The following RBP3 variants were observed in gnomAD, a reference collection of about 807,000 sequenced individuals.
RBP3 encodes retinol binding protein 3.
Under a neutral mutation model 64.8 loss-of-function variants are expected in RBP3, and 50 were observed. That is an observed-to-expected ratio of 0.77 (90% CI 0.61 to 0.98). RBP3 has a LOEUF of 0.98. Among genes scored for constraint, RBP3 ranks in the 50% least tolerant of loss-of-function variants. The pLI is 0.00. For missense variants in RBP3, 1,712 were observed against 1,660.5 expected (o/e 1.03, Z -0.54); for synonymous variants, 828 against 730.2 (o/e 1.13, Z -2.16).
chr10:47,356,131 T>C (rs1350769708), intron 3 of RBP3, among the ~76,000 whole-genome samples: 2 of 152,180 alleles, frequency 1.3e-5, no homozygotes, highest in African/African-American at 2.4e-5. Flanking sequence ...CTTGTGCTCC[T>C]ACCCAACAAG....
At position 47,348,542 on chromosome 10, in the gene RBP3, A is replaced by C. The variant is rs1588860764; in HGVS notation, c.58A>C (p.Thr20Pro). The change falls in exon 1 of 4, where the codon ACA becomes CCA. Residue 20 changes from threonine (T) to proline (P), a missense_variant. Coordinates refer to ENST00000584701, the MANE Select transcript of RBP3 (RefSeq NM_002900.3). ...GCTGCTCTGTGGCCTGGCTGGCCCC[A>C]CACACCTGTTCCAGCCAAGCCTGGT... ...SVLLCGLAGP[T>P]HLFQPSLVLD... 6.2e-7 allele frequency: 1 copy of C among 1,611,780 alleles called. No individual in the cohort carries two copies. Among genetic ancestry groups the C allele is most frequent in the South Asian group, 1.1e-5 (1 of 91,086 alleles).
rs1264614759 is a variant in RBP3, at chr10:47,357,201, G to A, written c.3488G>A (p.Arg1163Gln). The A allele has an allele frequency of 1.4e-5, 23 of 1,613,892 alleles. No individual in the cohort carries two copies. Among genetic ancestry groups the A allele is most frequent in the Middle Eastern group, 1.6e-4 (1 of 6,084 alleles). The change falls in exon 4 of 4, where the codon CGG becomes CAG. Residue 1163 changes from arginine to glutamine, a missense_variant. Coordinates refer to ENST00000584701, the MANE Select transcript of RBP3 (RefSeq NM_002900.3). ...EFTYIMKRLG[R>Q]ALVIGEVTSG... ...ACCTATATCATGAAGAGGCTGGGCC[G>A]GGCCCTGGTCATTGGGGAGGTGACC...
rs1588865654 is a variant in RBP3, at chr10:47,355,383, A to G, written c.3253A>G (p.Ile1085Val). 1 of 1,613,846 alleles carries G rather than the reference A, an allele frequency of 6.2e-7. No individual in the cohort carries two copies. The highest frequency in any genetic ancestry group is 1.1e-5 in the South Asian group (1 of 91,054). ...CTGCTTCCCATCCTTCAGGTTCAAC[A>G]TCGGTGGCCCCACATCCTCCATTCC... ...DAMIIDMRFNIGGPTSSIPIL... is the reference protein window; with the variant it reads ...DAMIIDMRFNVGGPTSSIPIL... Residue 1085 changes from isoleucine to valine, a missense_variant, in exon 3 of 4, where the codon ATC (isoleucine) becomes GTC (valine). Coordinates refer to ENST00000584701, the MANE Select transcript of RBP3 (RefSeq NM_002900.3).
rs782273936 is a variant in RBP3 at position 47,357,244 on chromosome 10, A to G, written c.3531A>G (p.Pro1177=). 5 of 1,614,072 alleles carry G rather than the reference A, an allele frequency of 3.1e-6. No homozygotes were observed. In the East Asian group the frequency reaches 1.1e-4, roughly 36 times the overall value. The change falls in exon 4 of 4, where the codon CCA becomes CCG. Residue 1177 remains proline (P), a synonymous_variant. Transcript: ENST00000584701. ...AGGTGACCAGTGGGGGCTGCCAGCC[A>G]CCACAGACCTACCACGTGGATGACA... The part of the protein sequence containing the change: ...IGEVTSGGCQ[P]PQTYHVDDTN...
rs782581891 is a variant in RBP3, at chr10:47,351,421, G to C, written c.2937G>C (p.Val979=). Residue 979 remains valine (V), a synonymous_variant, in exon 1 of 4, where the codon GTG becomes GTC. Transcript: ENST00000584701. The part of the protein sequence containing the change: ...QSRYSRVTSE[V]ALAEILGADL... ...GCTACTCCAGGGTGACCTCAGAAGT[G>C]GCCCTAGCCGAGATCCTGGGGGCTG... 1 of 1,613,744 alleles carries C rather than the reference G, an allele frequency of 6.2e-7. No homozygotes were observed. Among genetic ancestry groups the C allele is most frequent in the Non-Finnish European group, 8.5e-7 (1 of 1,180,046 alleles).
rs1836960031 is a variant in RBP3, at chr10:47,350,920, C to T, written c.2436C>T (p.Val812=). The T allele has an allele frequency of 6.2e-7, 1 of 1,613,070 alleles. No individual in the cohort carries two copies. Among genetic ancestry groups the T allele is most frequent in the Non-Finnish European group, 8.5e-7 (1 of 1,180,020 alleles). ...EAEPRQHLYS[V]FDRATSKVTE... The stretch of plus-strand genomic sequence containing the variant: ...AGCCCCGCCAGCACCTGTATTCTGT[C>T]TTTGACAGGGCCACCTCAAAAGTCA... The change falls in exon 1 of 4, where the codon GTC becomes GTT. Residue 812 remains valine (V), a synonymous_variant. Coordinates refer to ENST00000584701, the MANE Select transcript of RBP3 (RefSeq NM_002900.3).
chr10:47,353,158 C>T (rs1555211755), intron 1 of RBP3, among the ~76,000 whole-genome samples, 167 bp from the exon 2 acceptor site: 2 of 152,076 alleles, frequency 1.3e-5, no homozygotes, highest in East Asian at 1.9e-4. Flanking sequence ...GTCCCAGTGG[C>T]ATGTCACATC....
Position 47,349,827 on chromosome 10 carries a change from C to T in RBP3, c.1343C>T (p.Ala448Val). 6.2e-7 allele frequency: 1 copy of T among 1,613,282 alleles called. No individual in the cohort carries two copies. Among genetic ancestry groups the T allele is most frequent in the Non-Finnish European group, 8.5e-7 (1 of 1,180,034 alleles). Residue 448 changes from alanine (A) to valine (V), a missense_variant, in exon 1 of 4, where the codon GCT becomes GTT. Transcript: ENST00000584701. ...NVGYLRFDSF[A>V]DASVLGVLAP... is the part of the protein sequence containing the mutation. ...GGCTACCTGCGCTTCGATAGTTTTGCTGACGCCTCCGTCCTGGGTGTGTTG... is the reference window on the plus strand; with the variant it reads ...GGCTACCTGCGCTTCGATAGTTTTGTTGACGCCTCCGTCCTGGGTGTGTTG...
Position 47,355,533 on chromosome 10 carries a change from T to A in RBP3, c.3388+15T>A. 1 of 1,614,112 alleles carries A rather than the reference T, an allele frequency of 6.2e-7. No homozygotes were observed. The highest frequency in any genetic ancestry group is 8.5e-7 in the Non-Finnish European group (1 of 1,180,004). On this transcript the variant is annotated intron_variant, in intron 3 of 3. Transcript: ENST00000584701. ...CCAGGTTGTAGGTACGTGGAGAAGC[T>A]TTCTCCTTTCTGCTGTCATTCTAGA...
rs782273936 is a variant in RBP3, at chr10:47,357,244, A to C, written c.3531A>C (p.Pro1177=). 5 of 1,613,954 alleles carry C rather than the reference A, an allele frequency of 3.1e-6. No individual in the cohort carries two copies. Among genetic ancestry groups the C allele is most frequent in the Non-Finnish European group, 4.2e-6 (5 of 1,180,036 alleles). ...AGGTGACCAGTGGGGGCTGCCAGCC[A>C]CCACAGACCTACCACGTGGATGACA... is the stretch of plus-strand genomic sequence containing the variant. The part of the protein sequence containing the change: ...IGEVTSGGCQ[P]PQTYHVDDTN... Residue 1177 remains proline, a synonymous_variant, in exon 4 of 4, where the codon CCA becomes CCC. Coordinates refer to ENST00000584701, the MANE Select transcript of RBP3 (RefSeq NM_002900.3).
chr10:47,355,365 C>T lies in RBP3; in HGVS notation c.3246-11C>T, dbSNP rs1555211905. The T allele has an allele frequency of 1.9e-6, 3 of 1,613,524 alleles. No individual in the cohort carries two copies. The highest frequency in any genetic ancestry group is 2.2e-5 in the East Asian group (1 of 44,870). The stretch of plus-strand genomic sequence containing the variant: ...TCAGCCCCTGAACAGGCTCTGCTTC[C>T]CATCCTTCAGGTTCAACATCGGTGG... On this transcript the variant is annotated splice_polypyrimidine_tract_variant and intron_variant, in intron 2 of 3. Transcript: ENST00000584701.
Position 47,348,697 on chromosome 10 carries a change from C to A in RBP3, c.213C>A (p.Ala71=). 1 of 1,613,608 alleles carries A rather than the reference C, an allele frequency of 6.2e-7. No individual in the cohort carries two copies. The highest frequency in any genetic ancestry group is 8.5e-7 in the Non-Finnish European group (1 of 1,180,020). The part of the protein sequence containing the change: ...ILSISDPQTL[A]SVLTAGVQSS... Reference sequence around the variant, plus strand: ...GCATCTCAGACCCGCAGACGCTGGCCAGTGTGCTGACAGCCGGGGTGCAGA... The same window carrying A: ...GCATCTCAGACCCGCAGACGCTGGCAAGTGTGCTGACAGCCGGGGTGCAGA... The change falls in exon 1 of 4, where the codon GCC becomes GCA. Residue 71 remains alanine (A), a synonymous_variant. Coordinates refer to ENST00000584701, the MANE Select transcript of RBP3 (RefSeq NM_002900.3).
At position 47,349,332 on chromosome 10, in the gene RBP3, C is replaced by T; in HGVS notation, c.848C>T (p.Ser283Phe). Residue 283 changes from serine (S) to phenylalanine (F), a missense_variant, in exon 1 of 4, where the codon TCC (serine) becomes TTC (phenylalanine). Transcript: ENST00000584701. The stretch of plus-strand genomic sequence containing the variant: ...GACTTCTTCTTCACGGTGCCCGTGT[C>T]CAGGTCCCTGGGGCCCCTTGGTGGA... ...ESDFFFTVPV[S>F]RSLGPLGGGS... 1 of 1,612,638 alleles carries T rather than the reference C, an allele frequency of 6.2e-7. No individual in the cohort carries two copies. The highest frequency in any genetic ancestry group is 8.5e-7 in the Non-Finnish European group (1 of 1,179,976).
Position 47,351,549 on chromosome 10 carries a change from A to G in RBP3, c.3054+11A>G. ...ATTGTGCCCATGCAGGTGAGACCCA[A>G]GAGAGACCTGGCTGAACCCAGTCCC... On this transcript the variant is annotated intron_variant, in intron 1 of 3. Coordinates refer to ENST00000584701, the MANE Select transcript of RBP3 (RefSeq NM_002900.3). 2 of 1,613,564 alleles carry G rather than the reference A, an allele frequency of 1.2e-6. No individual in the cohort carries two copies. The highest frequency in any genetic ancestry group is 1.7e-6 in the Non-Finnish European group (2 of 1,180,048).
intron 1 of RBP3, among the ~76,000 whole-genome samples, chr10:47,352,437 G>A (rs1342564670): frequency 1.3e-5 from 2 of 152,256 alleles, no homozygotes; most frequent in Admixed American, 1.3e-4. Context: ...TGTCAGTGGG[G>A]TCGGGTGCAG....
Position 47,350,356 on chromosome 10 carries a change from C to A in RBP3, c.1872C>A (p.Asp624Glu). 1 of 1,612,384 alleles carries A rather than the reference C, an allele frequency of 6.2e-7. No homozygotes were observed. The highest frequency in any genetic ancestry group is 1.1e-5 in the South Asian group (1 of 91,090). ...DAIVLAEEALDKAQEVLEFHQ... is the reference protein window; with the variant it reads ...DAIVLAEEALEKAQEVLEFHQ... ...TCGTGCTGGCCGAGGAGGCCCTGGA[C>A]AAAGCCCAGGAAGTGCTGGAGTTCC... is the stretch of plus-strand genomic sequence containing the variant. The change falls in exon 1 of 4, where the codon GAC becomes GAA. Residue 624 changes from aspartate (D) to glutamate (E), a missense_variant. Transcript: ENST00000584701.
chr10:47,350,281 C>G lies in RBP3; in HGVS notation c.1797C>G (p.Ile599Met), dbSNP rs782706045. 6.2e-7 allele frequency: 1 copy of G among 1,608,462 alleles called. No individual in the cohort carries two copies. The highest frequency in any genetic ancestry group is 1.3e-5 in the African/African-American group (1 of 74,930). Residue 599 changes from isoleucine (I) to methionine (M), a missense_variant, in exon 1 of 4, where the codon ATC (isoleucine) becomes ATG (methionine). Physicochemically the swap from Ile to Met is conservative, Grantham distance 10. Transcript: ENST00000584701. ...LALTVPVLTF[I>M]DNHGEAWLGG... is the part of the protein sequence containing the mutation. ...TCACCGTGCCGGTCCTCACCTTCAT[C>G]GACAATCACGGCGAGGCCTGGCTGG...
At position 47,349,439 on chromosome 10, in the gene RBP3, A is replaced by G. The variant is rs968129269; in HGVS notation, c.955A>G (p.Ile319Val). 6 of 1,612,370 alleles carry G rather than the reference A, an allele frequency of 3.7e-6. No individual in the cohort carries two copies. The highest frequency in any genetic ancestry group is 1.7e-5 in the Admixed American group (1 of 60,024). ...GCAGGCCCTGGAGAAAGCCCTGGCC[A>G]TCCTCACTCTGCGCAGCGCCCTTCC... ...AEQALEKALA[I>V]LTLRSALPGV... The change falls in exon 1 of 4, where the codon ATC becomes GTC. Residue 319 changes from isoleucine to valine, a missense_variant. Coordinates refer to ENST00000584701, the MANE Select transcript of RBP3 (RefSeq NM_002900.3).
rs1837064112 is a variant in RBP3, at chr10:47,357,388, G to A, written c.3675G>A (p.Arg1225=). 7 of 1,614,130 alleles carry A rather than the reference G, an allele frequency of 4.3e-6. No individual in the cohort carries two copies. In the East Asian group the frequency reaches 1.3e-4, roughly 31 times the overall value. The change falls in exon 4 of 4, where the codon AGG becomes AGA. Residue 1225 remains arginine, a synonymous_variant. Transcript: ENST00000584701. ...TCCCTGCAGAAGAGGCTCTCGCCAG[G>A]GCCAAGGAGATGCTCCAGCACAACC... ...VVVPAEEALA[R]AKEMLQHNQL...
Sources: gnomAD v4.1 joint callset for allele counts (sites outside exome capture counted in the v4.1 genomes callset) on GRCh38, gnomAD v4.1.1 for gene constraint, MANE v1.5 for transcripts, NCBI Gene and HGNC (gene_info 2026-07-23, HGNC 2026-07-21) for gene names.